Variants in UNC45A observed in about 807,000 individuals in gnomAD.
UNC45A encodes the protein protein unc-45 homolog A.
A neutral mutation model predicts 103.2 loss-of-function variants in UNC45A; 78 were observed. That is an observed-to-expected ratio of 0.76 (90% CI 0.63 to 0.91). The LOEUF is 0.91. UNC45A is among the 40% of genes least tolerant of loss of function. The pLI, the probability that UNC45A is intolerant of heterozygous loss-of-function variation, is 0.00. For missense variants in UNC45A, 1,193 were observed against 1,224.8 expected (o/e 0.97, Z 0.39); for synonymous variants, 495 against 504.6 (o/e 0.98, Z 0.25).
chr15:90,935,045 T>G (rs2151352452), upstream of UNC45A: 1 of 566,644 alleles, frequency 1.8e-6, no homozygotes, highest in Non-Finnish European at 3.1e-6. Flanking sequence ...GGCCGGAGTC[T>G]GGGCTGGAGC....
intron 17 of UNC45A, among the ~76,000 whole-genome samples, chr15:90,951,795 G>C (rs1394599430): frequency 6.6e-6 from 1 of 152,104 alleles, no homozygotes; most frequent in Non-Finnish European, 1.5e-5. Flanking sequence ...GCGTGCACCT[G>C]TAGTCCCAGC....
intron 5 of UNC45A, 74 bp downstream of exon 5, chr15:90,939,897 C>A: frequency 7.9e-7 from 1 of 1,266,166 alleles, no homozygotes. Flanking sequence ...GAAGCCACTG[C>A]TGCCTTGCTC....
At position 90,949,776 on chromosome 15, in the gene UNC45A, G is replaced by T; in HGVS notation, c.2073+56G>T. The T allele has an allele frequency of 2.6e-6, 4 of 1,568,310 alleles. No individual in the cohort carries two copies. The South Asian group carries it at 4.4e-5, about 17-fold the overall frequency. On this transcript the variant is annotated intron_variant, in intron 15 of 19. Coordinates refer to ENST00000418476, the MANE Select transcript of UNC45A (RefSeq NM_018671.5). ...GCTGAGCCATCAGCCTATAAAACAT[G>T]ACTCAGCAGCTGCCACGCCAGAGCT... is the stretch of plus-strand genomic sequence containing the variant.
At chr15:90,931,121 G>A (rs2035773798), upstream of UNC45A, 6 of 857,606 alleles carry the variant, frequency 7.0e-6, no homozygotes, top group South Asian at 1.1e-4. Flanking sequence ...GTTAGCAGGA[G>A]ACCTTCAGAC....
At chr15:90,943,913 T>C (rs1385279573) in intron 8 of UNC45A, among the ~76,000 whole-genome samples, 1 of 148,934 alleles carries the variant, frequency 6.7e-6, no homozygotes. Flanking sequence ...GGTCTCGAAC[T>C]CCTGACCTCA....
At chr15:90,934,748 C>G, upstream of UNC45A, 1 of 399,124 alleles carries the variant, frequency 2.5e-6, no homozygotes, top group Non-Finnish European at 4.4e-6. Flanking sequence ...AATGGGGAGC[C>G]ATCCTGAATC....
chr15:90,950,066 G>T, intron 15 of UNC45A, 88 bp from the exon 16 acceptor site: 1 of 1,269,726 alleles, frequency 7.9e-7, no homozygotes, highest in Non-Finnish European at 1.1e-6. Flanking sequence ...GGAGGAAGGT[G>T]AGGGTGGCAC....
chr15:90,947,913 G>T, intron 11 of UNC45A, 23 bp downstream of exon 11: 1 of 1,605,784 alleles, frequency 6.2e-7, no homozygotes, highest in Non-Finnish European at 8.5e-7. Flanking sequence ...GCCTTGCTGT[G>T]GTTCCCCACC....
At chr15:90,933,636 C>A (rs932530929), upstream of UNC45A, 1 of 154,854 alleles carries the variant, frequency 6.5e-6, no homozygotes, top group African/African-American at 2.4e-5. Flanking sequence ...CATGCTGGAA[C>A]TGAGGTCTCT....
chr15:90,931,709 G>C (rs773755660), upstream of UNC45A: 1 of 1,614,074 alleles, frequency 6.2e-7, no homozygotes, highest in South Asian at 1.1e-5. Context: ...CGTACCCTCT[G>C]GGGTGCAGCG....
Position 90,953,148 on chromosome 15 carries a change from G to C in UNC45A, c.2422-7G>C, listed in dbSNP as rs1435490125. On this transcript the variant is annotated splice_region_variant and splice_polypyrimidine_tract_variant and intron_variant, in intron 18 of 19. Coordinates refer to ENST00000418476, the MANE Select transcript of UNC45A (RefSeq NM_018671.5). ...TGACTTGGTCCACTCCTCACATCTG[G>C]CCACAGGTGCAGGACCTCTTCGAAG... 6.2e-7 allele frequency: 1 copy of C among 1,613,130 alleles called. No homozygotes were observed. The highest frequency in any genetic ancestry group is 8.5e-7 in the Non-Finnish European group (1 of 1,179,580).
In UNC45A at chr15:90,944,886, T is replaced by G. The variant is rs750308401; in HGVS notation, c.1028-6T>G. ...GTTCTACTGTCTAAGCGGGGTGTCT[T>G]TACAGGTCTGAAAAAGATTTTGGAA... On this transcript the variant is annotated splice_region_variant and splice_polypyrimidine_tract_variant and intron_variant, in intron 8 of 19. Coordinates refer to ENST00000418476, the MANE Select transcript of UNC45A (RefSeq NM_018671.5). 185 of 1,611,750 alleles carry G rather than the reference T, an allele frequency of 1.1e-4. No individual in the cohort carries two copies. The highest frequency in any genetic ancestry group is 1.5e-4 in the Non-Finnish European group (175 of 1,179,792).
chr15:90,949,929 C>T (rs1389878000), intron 15 of UNC45A: 1 of 672,136 alleles, frequency 1.5e-6, no homozygotes, highest in Non-Finnish European at 2.5e-6. Context: ...CTAGGCTCTA[C>T]TGTTCCTTTG....
At chr15:90,944,624 G>A (rs151080545) in intron 8 of UNC45A, among the ~76,000 whole-genome samples, 182 of 152,296 alleles carry the variant, frequency 1.2e-3, no homozygotes, top group African/African-American at 4.2e-3. Context: ...TAGTTTTACA[G>A]ATGAGGAACC....
intron 6 of UNC45A, among the ~76,000 whole-genome samples, chr15:90,941,786 C>T (rs536009533): frequency 6.6e-5 from 10 of 152,034 alleles, no homozygotes; most frequent in Admixed American, 3.3e-4. Flanking sequence ...GGTGAAACCC[C>T]GTCTCTACTA....
chr15:90,931,923 C>T (rs752850621), upstream of UNC45A: 2 of 1,613,868 alleles, frequency 1.2e-6, no homozygotes, highest in East Asian at 2.2e-5. Context: ...GTGTCCTCCA[C>T]CGTGTCATGG....
intron 9 of UNC45A, among the ~76,000 whole-genome samples, chr15:90,945,361 C>A (rs1406657100): frequency 6.7e-6 from 1 of 149,522 alleles, no homozygotes; most frequent in Non-Finnish European, 1.5e-5. Flanking sequence ...ACATGACAGT[C>A]CTTTTTTTTT....
rs778870815 is a variant in UNC45A, at chr15:90,946,824, G to A, written c.1410G>A (p.Arg470=). The A allele has an allele frequency of 1.2e-6, 2 of 1,614,210 alleles. No homozygotes were observed. Among genetic ancestry groups the A allele is most frequent in the Non-Finnish European group, 1.7e-6 (2 of 1,180,044 alleles). Residue 470 remains arginine (R), a synonymous_variant, in exon 10 of 20, where the codon CGG becomes CGA. Coordinates refer to ENST00000418476, the MANE Select transcript of UNC45A (RefSeq NM_018671.5). ...TCCATGCAGCCGGCAAGGCTAAGCG[G>A]GCCTCATTCATCACTGCCAATGGTG... ...ALIHAAGKAK[R]ASFITANGVS...
In UNC45A at chr15:90,953,713, G is replaced by T. The variant is rs767905111; in HGVS notation, c.2832G>T (p.Glu944Asp). ...TTATCCAACCCAACCAAGATGGAGA[G>T]TGAGGGGGTTGTCCCTGGGCCCAAG... ...YGLIQPNQDG[E>D] Residue 944 changes from glutamate to aspartate, a missense_variant, in exon 20 of 20, where the codon GAG (glutamate) becomes GAT (aspartate). Glu to Asp is a conservative substitution (Grantham distance 45). Transcript: ENST00000418476. The T allele has an allele frequency of 1.2e-6, 2 of 1,613,466 alleles. No homozygotes were observed. The highest frequency in any genetic ancestry group is 2.2e-5 in the South Asian group (2 of 91,080).
Sources: allele counts gnomAD v4.1 joint callset (sites outside exome capture counted in the v4.1 genomes callset), GRCh38; gene constraint gnomAD v4.1.1; transcripts MANE v1.5; gene names NCBI Gene and HGNC (gene_info 2026-07-23, HGNC 2026-07-21).